The following PEAK1 variants were observed in gnomAD, a reference collection of about 807,000 sequenced individuals.
The protein encoded by PEAK1 is pseudopodium enriched atypical kinase 1.
A neutral mutation model predicts 124.7 loss-of-function variants in PEAK1; 54 were observed. That is an observed-to-expected ratio of 0.43 (90% confidence interval 0.35 to 0.54). The LOEUF (loss-of-function observed/expected upper bound fraction) is 0.54, where lower values mean the gene tolerates loss of function less well. Among genes scored for constraint, PEAK1 ranks in the 20% least tolerant of loss-of-function variants. The pLI is 0.01. For missense variants in PEAK1, 2,046 were observed against 2,134.5 expected, an observed-to-expected ratio of 0.96 and a Z score of 0.82; for synonymous variants, 719 against 760.0, an observed-to-expected ratio of 0.95 and a Z score of 0.89.
At chr15:77,217,335 A>G (rs1358805742) in intron 6 of PEAK1, among the ~76,000 whole-genome samples, 1 of 152,034 alleles carries the variant, frequency 6.6e-6, no homozygotes, top group East Asian at 1.9e-4. Flanking sequence ...GTGGGCTGGT[A>G]GACAGCAAAG....
At chr15:77,214,300 C>G (rs773571572) in intron 6 of PEAK1, among the ~76,000 whole-genome samples, 1 of 151,632 alleles carries the variant, frequency 6.6e-6, no homozygotes, top group Non-Finnish European at 1.5e-5. Flanking sequence ...AAAGACATAC[C>G]CAAGACTGGG....
intron 1 of PEAK1, among the ~76,000 whole-genome samples, chr15:77,415,394 A>C (rs549370157): frequency 2.0e-5 from 3 of 152,168 alleles, no homozygotes; most frequent in African/African-American, 4.8e-5. Context: ...TTCCTTTCAC[A>C]GGGGTGGATT....
intron 7 of PEAK1, among the ~76,000 whole-genome samples, chr15:77,161,715 G>A (rs1405217332): frequency 6.6e-6 from 1 of 152,174 alleles, no homozygotes; most frequent in Non-Finnish European, 1.5e-5. Flanking sequence ...GCTCATGCCT[G>A]TAATCCCAGC....
chr15:77,285,330 A>G (rs888129772), intron 3 of PEAK1, among the ~76,000 whole-genome samples: 2 of 152,100 alleles, frequency 1.3e-5, no homozygotes, highest in African/African-American at 4.8e-5. Flanking sequence ...TCCCATCTCT[A>G]ATCTTCCAAA....
intron 6 of PEAK1, among the ~76,000 whole-genome samples, chr15:77,214,160 A>G (rs547450091): frequency 6.6e-6 from 1 of 152,282 alleles, no homozygotes; most frequent in South Asian, 2.1e-4. Flanking sequence ...ACCACAATGT[A>G]TTCTTCACCA....
chr15:77,180,245 G>T lies in PEAK1; in HGVS notation c.1682C>A (p.Pro561Gln), dbSNP rs987588051. The T allele has an allele frequency of 8.1e-6, 13 of 1,614,022 alleles. No individual in the cohort carries two copies. Among genetic ancestry groups the T allele is most frequent in the Non-Finnish European group, 1.1e-5 (13 of 1,180,008 alleles). The change falls in exon 7 of 10, where the codon CCA (proline) becomes CAA (glutamine). Residue 561 changes from proline to glutamine, a missense_variant. Coordinates refer to ENST00000682557, the MANE Select transcript of PEAK1 (RefSeq NM_001385026.1). ...ITSGTGPNVP[P>Q]RKNCHKSAPT... Reference sequence around the variant, plus strand: ...TGCTGATTTGTGACAGTTTTTCCTTGGAGGAACATTTGGTCCAGTTCCACT... The same window carrying T: ...TGCTGATTTGTGACAGTTTTTCCTTTGAGGAACATTTGGTCCAGTTCCACT...
chr15:77,204,974 G>T, intron 6 of PEAK1: 1 of 192,442 alleles, frequency 5.2e-6, no homozygotes, highest in Non-Finnish European at 1.1e-5. Flanking sequence ...GGGGAACAAA[G>T]GGAAAACAGG....
chr15:77,138,229 G>C (rs955212118), intron 8 of PEAK1, among the ~76,000 whole-genome samples: 1 of 152,150 alleles, frequency 6.6e-6, no homozygotes, highest in Non-Finnish European at 1.5e-5. Flanking sequence ...AAAAGGTACA[G>C]TAAAAATACA....
chr15:77,106,273 C>T (rs929512930), downstream of PEAK1: 1 of 152,230 alleles, frequency 6.6e-6, no homozygotes, highest in African/African-American at 2.4e-5. Flanking sequence ...GCCAGATCAA[C>T]TCAAAATTAC....
intron 1 of PEAK1, chr15:77,403,727 C>A (rs2071566317): frequency 1.1e-6 from 1 of 949,644 alleles, no homozygotes; most frequent in African/African-American, 1.8e-5. Context: ...GGATTATCTC[C>A]ATCTTACAGG....
intron 5 of PEAK1, among the ~76,000 whole-genome samples, chr15:77,267,982 A>G (rs1352830521): frequency 6.6e-6 from 1 of 152,190 alleles, no homozygotes; most frequent in Non-Finnish European, 1.5e-5. Flanking sequence ...ATGAATGGAA[A>G]AATCTCCAGT....
chr15:77,393,515 T>C (rs1602925), intron 1 of PEAK1, among the ~76,000 whole-genome samples: 99,688 of 151,982 alleles, frequency 0.66, 33,651 homozygotes, highest in Non-Finnish European at 0.75. Context: ...CATTTCTAGA[T>C]ACACTCTGAG....
intron 6 of PEAK1, among the ~76,000 whole-genome samples, chr15:77,241,394 A>C (rs1447876948): frequency 1.3e-5 from 2 of 152,154 alleles, no homozygotes; most frequent in Non-Finnish European, 2.9e-5. Context: ...AGTGAGACTG[A>C]CTGCTTCCTC....
intron 1 of PEAK1, among the ~76,000 whole-genome samples, chr15:77,407,748 A>T (rs1322626098): frequency 2.0e-5 from 3 of 152,018 alleles, no homozygotes; most frequent in Non-Finnish European, 4.4e-5. Flanking sequence ...AGCAAATCCC[A>T]CTCCTGAGTA....
chr15:77,240,431 G>A lies in PEAK1; in HGVS notation c.-115+11936C>T, dbSNP rs75168226. Among the ~76,000 whole-genome samples, 870 of 151,832 alleles carry A rather than the reference G, an allele frequency of 5.7e-3. 34 individuals are homozygous for A. In the East Asian group the frequency reaches 0.11, roughly 19 times the overall value. ...GCCCAGGAGTTCAAGACAAGCCTGGGCAACACAGGAAGTCCGTCTCTACAA... is the reference window on the plus strand; with the variant it reads ...GCCCAGGAGTTCAAGACAAGCCTGGACAACACAGGAAGTCCGTCTCTACAA... On this transcript the variant is annotated intron_variant, in intron 6 of 9. Transcript: ENST00000682557.
intron 9 of PEAK1, among the ~76,000 whole-genome samples, chr15:77,121,676 T>G (rs1005114399): frequency 6.6e-6 from 1 of 152,176 alleles, no homozygotes; most frequent in Non-Finnish European, 1.5e-5. Flanking sequence ...TATAAGACTC[T>G]TCAAAAATAT....
chr15:77,242,193 A>G (rs2060388470), intron 6 of PEAK1, among the ~76,000 whole-genome samples: 1 of 152,084 alleles, frequency 6.6e-6, no homozygotes, highest in African/African-American at 2.4e-5. Context: ...AAATTGTTAG[A>G]AGTACATTTT....
intron 7 of PEAK1, among the ~76,000 whole-genome samples, chr15:77,172,576 G>C (rs1403230904): frequency 2.0e-5 from 3 of 152,142 alleles, no homozygotes; most frequent in Non-Finnish European, 2.9e-5. Flanking sequence ...TTCTTTCAAG[G>C]TGGTTCATGA....
At chr15:77,182,772 C>T (rs887903698) in intron 6 of PEAK1, among the ~76,000 whole-genome samples, 1 of 57,342 alleles carries the variant, frequency 1.7e-5, no homozygotes, top group African/African-American at 5.0e-5. Flanking sequence ...AAAAAAAAGG[C>T]TGAAAAGGAG....
Sources: gnomAD v4.1 joint callset for allele counts (sites outside exome capture counted in the v4.1 genomes callset) on GRCh38, gnomAD v4.1.1 for gene constraint, MANE v1.5 for transcripts, NCBI Gene and HGNC (gene_info 2026-07-23, HGNC 2026-07-21) for gene names.